Variants in OCIAD1 observed in about 807,000 individuals in gnomAD.
OCIAD1 encodes OCIA domain-containing protein 1.
A neutral mutation model predicts 38.9 loss-of-function variants in OCIAD1; 29 were observed. The ratio of observed to expected loss-of-function variants is 0.74; its 90% confidence interval spans 0.55 to 1.02. OCIAD1 has a LOEUF of 1.02. OCIAD1 is among the 50% of genes least tolerant of loss of function. The pLI, the probability that OCIAD1 is intolerant of heterozygous loss-of-function variation, is 0.00. For synonymous variants in OCIAD1, 110 were observed against 92.0 expected, an observed-to-expected ratio of 1.20 and a Z score of -1.12; for missense variants, 288 against 289.6, an observed-to-expected ratio of 0.99 and a Z score of 0.04.
intron 4 of OCIAD1, among the ~76,000 whole-genome samples, chr4:48,842,924 A>G (rs1256623941): frequency 6.6e-6 from 1 of 152,238 alleles, no homozygotes; most frequent in East Asian, 1.9e-4. Flanking sequence ...GCAAGAAGGT[A>G]ACTAAACACC....
intron 1 of OCIAD1, among the ~76,000 whole-genome samples, chr4:48,812,312 A>AAAAAAAAAAAAAAAAAAAAAAAC (rs1777097630): frequency 6.8e-6 from 1 of 147,768 alleles, no homozygotes; most frequent in Non-Finnish European, 1.5e-5. Context: ...AAAAAAAAAA[A>AAAAAAAAAAAAAAAAAAAAAAAC]AAAAGAAAAG....
intron 1 of OCIAD1, among the ~76,000 whole-genome samples, chr4:48,808,702 C>T (rs1777056230): frequency 6.6e-6 from 1 of 152,192 alleles, no homozygotes; most frequent in Non-Finnish European, 1.5e-5. Flanking sequence ...TCTTGGACTT[C>T]CCAGCCTCCA....
At chr4:48,852,000 T>G in intron 7 of OCIAD1, 25 bp downstream of exon 7, 1 of 1,562,700 alleles carries the variant, frequency 6.4e-7, no homozygotes, top group Non-Finnish European at 8.7e-7. Flanking sequence ...TGAAATGAAT[T>G]TCAACATTTT....
At chr4:48,828,363 G>T (rs895738216), upstream of OCIAD1, among the ~76,000 whole-genome samples, 31 of 152,182 alleles carry the variant, frequency 2.0e-4, no homozygotes, top group African/African-American at 7.0e-4. Flanking sequence ...TCAACTCTCT[G>T]TACAATGGAC....
chr4:48,830,411 G>A (rs1579041989), upstream of OCIAD1, among the ~76,000 whole-genome samples: 2 of 152,316 alleles, frequency 1.3e-5, no homozygotes, highest in African/African-American at 4.8e-5. Context: ...GCAGTACATG[G>A]CACTAATAAA....
intron 7 of OCIAD1, among the ~76,000 whole-genome samples, chr4:48,854,797 C>T (rs949195767): frequency 5.9e-5 from 9 of 152,204 alleles, no homozygotes; most frequent in African/African-American, 2.2e-4. Flanking sequence ...CCTCCCCTAC[C>T]AGGGCATCTT....
At chr4:48,857,766 G>A (rs71595620) in intron 8 of OCIAD1, among the ~76,000 whole-genome samples, 5 of 152,174 alleles carry the variant, frequency 3.3e-5, no homozygotes, top group Non-Finnish European at 5.9e-5. Flanking sequence ...GCCTGCCTCA[G>A]TCTCTGAGAG....
At chr4:48,852,883 T>G (rs1251187868) in intron 7 of OCIAD1, among the ~76,000 whole-genome samples, 1 of 134,938 alleles carries the variant, frequency 7.4e-6, no homozygotes, top group Non-Finnish European at 1.6e-5. Flanking sequence ...TTGTTTTTTG[T>G]TTTTTTTTTT....
Position 48,831,161 on chromosome 4 carries a change from C to T in OCIAD1, c.-94C>T, listed in dbSNP as rs1405412944. The T allele has an allele frequency of 3.2e-6, 1 of 313,966 alleles. No homozygotes were observed. The highest frequency in any genetic ancestry group is 6.4e-6 in the Non-Finnish European group (1 of 156,940). The allele number at this position is 313,966 out of a possible 1,614,324, so 19.4% of individuals were successfully genotyped here. On this transcript the variant is annotated 5_prime_UTR_variant, in exon 1 of 9. Transcript: ENST00000264312. Reference sequence around the variant, plus strand: ...CCCGCGGTACCTTGCACTTTTCTCCCTCCCTGCCCCCTCTCGAGTCCACCC... The same window carrying T: ...CCCGCGGTACCTTGCACTTTTCTCCTTCCCTGCCCCCTCTCGAGTCCACCC...
rs1319504732 is a variant in OCIAD1 at position 48,851,964 on chromosome 4, A to G, written c.536A>G (p.His179Arg). The G allele has an allele frequency of 6.2e-7, 1 of 1,606,254 alleles. No homozygotes were observed. The highest frequency in any genetic ancestry group is 8.5e-7 in the Non-Finnish European group (1 of 1,175,576). The change falls in exon 7 of 9, where the codon CAT becomes CGT. Residue 179 changes from histidine to arginine, a missense_variant. Coordinates refer to ENST00000264312, the MANE Select transcript of OCIAD1 (RefSeq NM_017830.4). ...TCTGCTCCCACTGGTATTACTGATC[A>G]TATTGTCCAAGGTAGAAACTTCTCT... ...NESAPTGITD[H>R]IVQGPDPNLE... is the part of the protein sequence containing the mutation.
chr4:48,812,451 C>G (rs1223116395), intron 1 of OCIAD1, among the ~76,000 whole-genome samples: 1 of 150,374 alleles, frequency 6.7e-6, no homozygotes, highest in Non-Finnish European at 1.5e-5. Flanking sequence ...ATTTGGAAAT[C>G]AGAAAGACAA....
chr4:48,829,453 G>A (rs1390849727), upstream of OCIAD1, among the ~76,000 whole-genome samples: 1 of 152,110 alleles, frequency 6.6e-6, no homozygotes, highest in Non-Finnish European at 1.5e-5. Flanking sequence ...GCCAATCACT[G>A]ATGCTAGGCA....
chr4:48,852,574 T>G (rs771744786), intron 7 of OCIAD1: 1 of 152,244 alleles, frequency 6.6e-6, no homozygotes, highest in Non-Finnish European at 1.5e-5. Context: ...GCTAGCTATG[T>G]GACCTTGTAA....
rs1318130234 is a variant in OCIAD1, at chr4:48,848,449, A to T, written c.241+3A>T. 7.1e-7 allele frequency: 1 copy of T among 1,412,656 alleles called. No homozygotes were observed. Among genetic ancestry groups the T allele is most frequent in the Non-Finnish European group, 9.9e-7 (1 of 1,010,170 alleles). The allele number at this position is 1,412,656 out of a possible 1,614,324, so 87.5% of individuals were successfully genotyped here. On this transcript the variant is annotated splice_donor_region_variant and intron_variant, in intron 5 of 8. Transcript: ENST00000264312. ...TGGTTCCATCCCTAAACTTATACGT[A>T]AGTATGAACAACATTGTAGTTTTCA...
chr4:48,836,091 A>T (rs1256828131), intron 3 of OCIAD1, among the ~76,000 whole-genome samples: 2 of 152,130 alleles, frequency 1.3e-5, no homozygotes, highest in Non-Finnish European at 2.9e-5. Context: ...GTTTTTTTTA[A>T]GGAAGGTTAG....
chr4:48,836,089 T>G (rs1019699844), intron 3 of OCIAD1, among the ~76,000 whole-genome samples: 4 of 152,146 alleles, frequency 2.6e-5, no homozygotes, highest in Non-Finnish European at 1.5e-5. Flanking sequence ...AGGTTTTTTT[T>G]AAGGAAGGTT....
In OCIAD1 at chr4:48,860,770, C is replaced by T. The variant is rs780473199; in HGVS notation, c.*8C>T. The T allele has an allele frequency of 1.3e-6, 2 of 1,597,574 alleles. No homozygotes were observed. Among genetic ancestry groups the T allele is most frequent in the African/African-American group, 2.7e-5 (2 of 74,534 alleles). ...GATACTTGGGATGAGTGAAAAATTA[C>T]ATCATTGGACATGAAGGAGTTTCAA... is the stretch of plus-strand genomic sequence containing the variant. On this transcript the variant is annotated 3_prime_UTR_variant, in exon 9 of 9. Transcript: ENST00000264312.
Position 48,849,957 on chromosome 4 carries a change from C to T in OCIAD1, c.252C>T (p.Ile84=). The T allele has an allele frequency of 6.2e-7, 1 of 1,607,554 alleles. No homozygotes were observed. The highest frequency in any genetic ancestry group is 8.5e-7 in the Non-Finnish European group (1 of 1,178,032). ...GSIPKLILAC[I]MGYFAGKLSY... ...GATTTTACAAATAAGTTGCTTGTATCATGGGATACTTTGCTGGAAAACTTT... is the reference window on the plus strand; with the variant it reads ...GATTTTACAAATAAGTTGCTTGTATTATGGGATACTTTGCTGGAAAACTTT... Residue 84 remains isoleucine (I), a synonymous_variant, in exon 6 of 9, where the codon ATC becomes ATT. Transcript: ENST00000264312.
chr4:48,833,315 C>G, intron 2 of OCIAD1, 86 bp from the exon 3 acceptor site: 1 of 802,298 alleles, frequency 1.2e-6, no homozygotes, highest in Non-Finnish European at 2.1e-6. Context: ...ATGGGTGCCT[C>G]TTGTTAATGT....
Sources: gnomAD v4.1 joint callset for allele counts (sites outside exome capture counted in the v4.1 genomes callset) on GRCh38, gnomAD v4.1.1 for gene constraint, MANE v1.5 for transcripts, NCBI Gene and HGNC (gene_info 2026-07-23, HGNC 2026-07-21) for gene names.